CELF2: variants seen among roughly 807,000 people sequenced by gnomAD.
The protein encoded by CELF2 is CUG triplet repeat RNA-binding protein 2.
A neutral mutation model predicts 62.6 loss-of-function variants in CELF2; 8 were observed. That is an observed-to-expected ratio of 0.13 (90% CI 0.07 to 0.23). The LOEUF is 0.23. Ranked by LOEUF, CELF2 falls within the 10% of genes least tolerant of loss-of-function variation. The pLI, the probability that CELF2 is intolerant of heterozygous loss-of-function variation, is 1.00. For missense variants in CELF2, 333 were observed against 671.0 expected, an observed-to-expected ratio of 0.50 and a Z score of 5.56; for synonymous variants, 258 against 250.0, an observed-to-expected ratio of 1.03 and a Z score of -0.30.
the CELF2 span, among the ~76,000 whole-genome samples, chr10:10,699,608 G>A: frequency 4.9e-4 from 74 of 152,300 alleles, no homozygotes; most frequent in Middle Eastern, 3.4e-3. Flanking sequence ...GAATGGGGAG[G>A]AGGTGACGGG....
chr10:10,838,976 T>TA (rs1238413443), intron 1 of CELF2, among the ~76,000 whole-genome samples: 181 of 147,978 alleles, frequency 1.2e-3, no homozygotes, highest in African/African-American at 2.1e-3. Flanking sequence ...CCATCTCTAC[T>TA]AAAAAAAAAA....
the CELF2 span, among the ~76,000 whole-genome samples, chr10:10,629,040 T>C: frequency 6.6e-6 from 1 of 152,066 alleles, no homozygotes; most frequent in South Asian, 2.1e-4. Context: ...AAAGACAGGG[T>C]ATTCCACTCT....
chr10:11,196,207 C>T (rs1445158229), intron 2 of CELF2, among the ~76,000 whole-genome samples: 5 of 152,186 alleles, frequency 3.3e-5, no homozygotes, highest in South Asian at 4.1e-4. Context: ...CTGGGAAGCA[C>T]GTGAGCAGCG....
At chr10:11,013,223 G>C (rs773833755), upstream of CELF2, among the ~76,000 whole-genome samples, 1 of 152,164 alleles carries the variant, frequency 6.6e-6, no homozygotes, top group Non-Finnish European at 1.5e-5. The surrounding 1 kb of genome is among the most constrained non-coding windows in gnomAD (Gnocchi z 4.1). Flanking sequence ...TTCTGCCACT[G>C]TCTGGCTCCC....
intron 9 of CELF2, among the ~76,000 whole-genome samples, chr10:11,289,561 G>A (rs2092153019): frequency 6.6e-6 from 1 of 152,168 alleles, no homozygotes; most frequent in South Asian, 2.1e-4. Context: ...CATTTCACCT[G>A]GGGGATTGTT....
the CELF2 span, among the ~76,000 whole-genome samples, chr10:10,694,373 G>C: frequency 6.6e-6 from 1 of 150,886 alleles, no homozygotes; most frequent in Non-Finnish European, 1.5e-5. Flanking sequence ...TGTGGTCTGA[G>C]AGATACTTTG....
the CELF2 span, among the ~76,000 whole-genome samples, chr10:10,699,037 C>G: frequency 6.6e-6 from 1 of 151,714 alleles, no homozygotes; most frequent in Non-Finnish European, 1.5e-5. Flanking sequence ...ATATAATATA[C>G]TAGTGTATGT....
rs796843182 is a variant in CELF2 at position 11,334,930 on chromosome 10, A to ATTAT, written c.*5884_*5887dup. ...AGATATGTATAGAAAAGTCATTTAA[A>ATTAT]TTATTTATTTCTACAAGCTAATTGA... On this transcript the variant is annotated 3_prime_UTR_variant, in exon 13 of 13. Transcript: ENST00000633077. 4.6e-5 allele frequency: 7 copies of ATTAT among 152,372 alleles called. No homozygotes were observed. In the South Asian group the frequency reaches 1.4e-3, roughly 32 times the overall value. 9.4% of individuals were successfully genotyped at this position (152,372 alleles called of 1,614,324 possible).
chr10:10,498,516 T>C, the CELF2 span, among the ~76,000 whole-genome samples: 2 of 152,162 alleles, frequency 1.3e-5, no homozygotes, highest in African/African-American at 4.8e-5. Context: ...GTGGAAAGCA[T>C]AGTGTAAGGA....
At chr10:10,826,912 A>G (rs1270343134) in intron 1 of CELF2, among the ~76,000 whole-genome samples, 2 of 152,206 alleles carry the variant, frequency 1.3e-5, no homozygotes, top group East Asian at 3.9e-4. Flanking sequence ...GTCTTAATGT[A>G]CAAATGAGGC....
Position 11,056,900 on chromosome 10 carries a change from A to G in CELF2, c.74+38737A>G, listed in dbSNP as rs187318754. Among the ~76,000 whole-genome samples, 289 of 152,328 alleles carry G rather than the reference A, an allele frequency of 1.9e-3. 1 individual carries two copies. The highest frequency in any genetic ancestry group is 6.4e-3 in the African/African-American group (265 of 41,580). Reference sequence around the variant, plus strand: ...GTACTGGGGGAAGTCTGTGCAGGGAAGGGCAAGGCCCACAGGAGGAAAATC... The same window carrying G: ...GTACTGGGGGAAGTCTGTGCAGGGAGGGGCAAGGCCCACAGGAGGAAAATC... On this transcript the variant is annotated intron_variant, in intron 1 of 12. Transcript: ENST00000633077.
the CELF2 span, among the ~76,000 whole-genome samples, chr10:10,492,842 C>G: frequency 4.3e-4 from 66 of 152,230 alleles, 1 homozygote; most frequent in South Asian, 0.013. Context: ...CAGTTTCCCC[C>G]ATACTGTTCT....
At chr10:10,821,688 C>T (rs528796660) in intron 1 of CELF2, among the ~76,000 whole-genome samples, 5 of 152,084 alleles carry the variant, frequency 3.3e-5, no homozygotes, top group South Asian at 2.1e-4. Context: ...CTCTGTTGCC[C>T]GGGCTGGAGT....
the CELF2 span, among the ~76,000 whole-genome samples, chr10:10,732,029 T>G: frequency 6.6e-6 from 1 of 152,046 alleles, no homozygotes; most frequent in Admixed American, 6.5e-5. Flanking sequence ...TGGTTACAAG[T>G]TCCTGATACC....
the CELF2 span, among the ~76,000 whole-genome samples, chr10:10,674,839 C>A: frequency 1.9e-3 from 290 of 151,752 alleles, no homozygotes; most frequent in African/African-American, 6.4e-3. Flanking sequence ...CCACTTGTGC[C>A]AGTGTGAATA....
intron 2 of CELF2, among the ~76,000 whole-genome samples, chr10:10,968,419 G>A (rs183908616): frequency 5.3e-5 from 8 of 152,276 alleles, no homozygotes; most frequent in African/African-American, 1.2e-4. Flanking sequence ...ATATCATGCT[G>A]TATTTTAAAT....
In CELF2 at chr10:11,191,906, C is replaced by T. The variant is rs142189946; in HGVS notation, c.272-25519C>T. ...TCCCTGCCCTCCCATGCAGAGGCCC[C>T]GCCCTGTGTCCACTCTACTTCTTAG... On this transcript the variant is annotated intron_variant, in intron 2 of 12. Transcript: ENST00000633077. This position sits in a 1 kb window ranked among gnomAD's most constrained non-coding sequence, Gnocchi z 4.1. Among the ~76,000 whole-genome samples the T allele has an allele frequency of 1.9e-3, 287 of 152,298 alleles. No individual in the cohort carries two copies. Among genetic ancestry groups the T allele is most frequent in the Non-Finnish European group, 3.3e-3 (225 of 68,026 alleles).
At chr10:10,779,609 G>A in the CELF2 span, among the ~76,000 whole-genome samples, 10 of 152,066 alleles carry the variant, frequency 6.6e-5, no homozygotes, top group East Asian at 1.2e-3. Flanking sequence ...AACATCCAGC[G>A]AAGGGTTTTT....
intron 1 of CELF2, among the ~76,000 whole-genome samples, chr10:11,066,285 T>C (rs2068143072): frequency 6.6e-6 from 1 of 152,292 alleles, no homozygotes; most frequent in East Asian, 1.9e-4. Context: ...CACACCTTTT[T>C]TTTCCTTCTC....
Sources: gnomAD v4.1 joint callset for allele counts (sites outside exome capture counted in the v4.1 genomes callset) on GRCh38, gnomAD v4.1.1 for gene constraint, Gnocchi (gnomAD v3.1) non-coding constraint, MANE v1.5 for transcripts, NCBI Gene and HGNC (gene_info 2026-07-23, HGNC 2026-07-21) for gene names.